The following TOPBP1 variants were observed in gnomAD, a reference collection of about 807,000 sequenced individuals.
TOPBP1 encodes the protein DNA topoisomerase 2-binding protein 1.
In TOPBP1, 28 loss-of-function variants were observed where a neutral mutation model predicts 167.7. That is an observed-to-expected ratio of 0.17 (90% CI 0.12 to 0.23). The LOEUF (loss-of-function observed/expected upper bound fraction) is 0.23. Ranked by LOEUF, TOPBP1 falls within the 10% of genes least tolerant of loss-of-function variation. The pLI, the probability that TOPBP1 is intolerant of heterozygous loss-of-function variation, is 1.00. For synonymous variants in TOPBP1, 598 were observed against 611.4 expected (o/e 0.98, Z 0.32); for missense variants, 1,554 against 1,809.6 (o/e 0.86, Z 2.56).
chr3:133,627,340 C>T (rs1318104282), intron 16 of TOPBP1, among the ~76,000 whole-genome samples: 1 of 152,096 alleles, frequency 6.6e-6, no homozygotes, highest in Non-Finnish European at 1.5e-5. Context: ...AATATACACA[C>T]ACCCCTTGTA....
At chr3:133,646,283 C>G (rs2107818704) in intron 10 of TOPBP1, among the ~76,000 whole-genome samples, 1 of 152,146 alleles carries the variant, frequency 6.6e-6, no homozygotes, top group African/African-American at 2.4e-5. Flanking sequence ...GTCAGTAAAC[C>G]ACTAGCTGTC....
chr3:133,641,582 G>A (rs1342297067), intron 12 of TOPBP1, among the ~76,000 whole-genome samples: 1 of 152,130 alleles, frequency 6.6e-6, no homozygotes, highest in Non-Finnish European at 1.5e-5. Context: ...GTCCAGGCTG[G>A]TGTTGAACTT....
intron 23 of TOPBP1, among the ~76,000 whole-genome samples, chr3:133,616,129 T>C (rs1337236803): frequency 6.6e-6 from 1 of 151,862 alleles, no homozygotes; most frequent in Non-Finnish European, 1.5e-5. Flanking sequence ...TCCCTTTTTT[T>C]TTTTTTTTGA....
intron 20 of TOPBP1, among the ~76,000 whole-genome samples, chr3:133,619,185 C>T (rs1935004038): frequency 6.6e-6 from 1 of 151,000 alleles, no homozygotes; most frequent in African/African-American, 2.4e-5. Flanking sequence ...CAAAGGAACC[C>T]CCAAATAGTT....
At chr3:133,619,480 T>TG (rs1935013050) in intron 20 of TOPBP1, among the ~76,000 whole-genome samples, 1 of 152,184 alleles carries the variant, frequency 6.6e-6, no homozygotes, top group Admixed American at 6.5e-5. Context: ...ACGAAAAAGA[T>TG]GAAGTTATGC....
chr3:133,638,244 C>T (rs901240355), intron 13 of TOPBP1, 82 bp from the exon 14 acceptor site: 11 of 1,333,258 alleles, frequency 8.3e-6, no homozygotes, highest in Middle Eastern at 4.5e-4. Context: ...ATATTTTATA[C>T]TGTTTTCTTT....
At chr3:133,633,986 C>G (rs1205376349) in intron 14 of TOPBP1, among the ~76,000 whole-genome samples, 1 of 152,148 alleles carries the variant, frequency 6.6e-6, no homozygotes, top group Non-Finnish European at 1.5e-5. Context: ...ATCTAATAGG[C>G]ATCTCAAACT....
rs377340617 is a variant in TOPBP1, at chr3:133,643,027, CT to C, written c.2021+172del. Among the ~76,000 whole-genome samples the C allele has an allele frequency of 7.9e-3, 1,158 of 146,096 alleles. 9 individuals are homozygous for C. Among genetic ancestry groups the C allele is most frequent in the African/African-American group, 0.026 (1,058 of 40,126 alleles). ...TTTTCATCTTTGGACAACAGAGGCA[CT>C]TTTTTTTTTTAAGGCTAGTCAAGTG... On this transcript the variant is annotated intron_variant, in intron 12 of 27. Coordinates refer to ENST00000260810, the MANE Select transcript of TOPBP1 (RefSeq NM_007027.4).
At chr3:133,656,623 G>T in intron 5 of TOPBP1, 53 bp downstream of exon 5, 1 of 1,515,098 alleles carries the variant, frequency 6.6e-7, no homozygotes, top group Non-Finnish European at 8.9e-7. Context: ...TGCCAAAAAT[G>T]ATTGAATGCA....
At chr3:133,650,185 G>A (rs1936237297) in intron 8 of TOPBP1, among the ~76,000 whole-genome samples, 2 of 152,120 alleles carry the variant, frequency 1.3e-5, no homozygotes, top group South Asian at 4.2e-4. Flanking sequence ...GTATTTTGTG[G>A]CTATAAAGAA....
intron 2 of TOPBP1, among the ~76,000 whole-genome samples, chr3:133,659,733 T>C (rs758907712): frequency 6.6e-6 from 1 of 150,692 alleles, no homozygotes; most frequent in Non-Finnish European, 1.5e-5. Context: ...CCTCTACCCT[T>C]CTAGTCTATT....
chr3:133,608,985 G>T, intron 25 of TOPBP1, 23 bp from the exon 26 acceptor site: 1 of 1,563,582 alleles, frequency 6.4e-7, no homozygotes, highest in Non-Finnish European at 8.7e-7. Context: ...AACAATCAGT[G>T]GTGAAATCAT....
chr3:133,627,602 G>C (rs1935310352), intron 16 of TOPBP1, among the ~76,000 whole-genome samples: 1 of 152,152 alleles, frequency 6.6e-6, no homozygotes. Flanking sequence ...TGAAATAAGA[G>C]TTACCAAAGG....
Position 133,649,767 on chromosome 3 carries a change from A to C in TOPBP1, c.1253+13T>G, listed in dbSNP as rs778396583. On this transcript the variant is annotated intron_variant, in intron 9 of 27. Coordinates refer to ENST00000260810, the MANE Select transcript of TOPBP1 (RefSeq NM_007027.4). ...TGTAGTAGAAATTGCTTTGAATTAA[A>C]AACGAAAAAAACCTGTGGGCTGATT... 6.3e-7 allele frequency: 1 copy of C among 1,584,058 alleles called. No individual in the cohort carries two copies. The highest frequency in any genetic ancestry group is 8.5e-7 in the Non-Finnish European group (1 of 1,170,538).
In TOPBP1 at chr3:133,623,363, C is replaced by T. The variant is rs770174832; in HGVS notation, c.3023G>A (p.Arg1008Gln). The T allele has an allele frequency of 9.9e-6, 16 of 1,613,346 alleles. No individual in the cohort carries two copies. Among genetic ancestry groups the T allele is most frequent in the Middle Eastern group, 1.6e-4 (1 of 6,082 alleles). ...SLDISAVQDG[R>Q]LCNSRLLSAV... Reference sequence around the variant, plus strand: ...TGAGAGTAGTCGACTATTACAGAGCCGGCCATCTTGCACTGCGCTGATATC... The same window carrying T: ...TGAGAGTAGTCGACTATTACAGAGCTGGCCATCTTGCACTGCGCTGATATC... The change falls in exon 18 of 28, where the codon CGG (arginine) becomes CAG (glutamine). Residue 1008 changes from arginine (R) to glutamine (Q), a missense_variant. By Grantham distance (43) the Arg-to-Gln change is conservative (BLOSUM62 1). Around this residue, in one of 3 missense-constraint regions of TOPBP1, gnomAD observed 1,197 missense variants for 1,351.5 expected, o/e 0.89. Coordinates refer to ENST00000260810, the MANE Select transcript of TOPBP1 (RefSeq NM_007027.4).
chr3:133,638,557 G>A (rs1171457898), intron 13 of TOPBP1, among the ~76,000 whole-genome samples: 1 of 152,118 alleles, frequency 6.6e-6, no homozygotes, highest in Non-Finnish European at 1.5e-5. Flanking sequence ...CTCAATTACA[G>A]GTACTCAGAG....
chr3:133,631,180 T>C (rs1935461938), intron 14 of TOPBP1, among the ~76,000 whole-genome samples: 1 of 152,140 alleles, frequency 6.6e-6, no homozygotes, highest in African/African-American at 2.4e-5. Context: ...TAAAGTGAGA[T>C]CCTATTTCAA....
intron 14 of TOPBP1, among the ~76,000 whole-genome samples, chr3:133,635,539 AGC>A (rs1285657238): frequency 2.0e-5 from 3 of 152,210 alleles, no homozygotes; most frequent in African/African-American, 7.2e-5. Flanking sequence ...TACAGGTGTG[AGC>A]CACCACGCCC....
At position 133,604,634 on chromosome 3, in the gene TOPBP1, C is replaced by T. The variant is rs556440835; in HGVS notation, c.4426-3241G>A. 1.5e-4 allele frequency among the ~76,000 whole-genome samples: 23 copies of T among 151,882 alleles called. 1 individual carries two copies. The highest frequency in any genetic ancestry group is 5.5e-4 in the African/African-American group (23 of 41,502). On this transcript the variant is annotated intron_variant, in intron 27 of 27. Transcript: ENST00000260810. ...TACAAAAAACCACATATAAAGAAAA[C>T]TCCAGGCCGGGTGCAGTGGCTCACG...
Sources: gnomAD v4.1 joint callset for allele counts (sites outside exome capture counted in the v4.1 genomes callset) on GRCh38, gnomAD v4.1.1 for gene constraint, gnomAD v4.1.1 regional missense constraint, MANE v1.5 for transcripts, NCBI Gene and HGNC (gene_info 2026-07-23, HGNC 2026-07-21) for gene names.